The following MGRN1 variants were observed in gnomAD, a reference collection of about 807,000 sequenced individuals.
MGRN1 encodes mahogunin ring finger 1.
MGRN1 carries 29 observed loss-of-function variants against 69.2 expected under a neutral mutation model. The observed-to-expected ratio is 0.42, with a 90% CI of 0.31 to 0.57. The LOEUF is 0.57. Among genes scored for constraint, MGRN1 ranks in the 20% least tolerant of loss-of-function variants. The pLI is 0.15. For missense variants in MGRN1, 998 were observed against 796.2 expected, an observed-to-expected ratio of 1.25 and a Z score of -3.05; for synonymous variants, 470 against 344.2, an observed-to-expected ratio of 1.37 and a Z score of -4.04.
At chr16:4,635,684 G>T (rs960861052) in intron 1 of MGRN1, among the ~76,000 whole-genome samples, 5 of 151,422 alleles carry the variant, frequency 3.3e-5, no homozygotes, top group African/African-American at 9.7e-5. Flanking sequence ...ATCCAGGCTG[G>T]TGTGCAGTGG....
At position 4,688,839 on chromosome 16, in the gene MGRN1, C is replaced by A. The variant is rs756364928; in HGVS notation, c.1662C>A (p.Thr554=). Residue 554 remains threonine (T), a synonymous_variant, in exon 17 of 17, where the codon ACC becomes ACA. Transcript: ENST00000262370. ...SMETAHGLAT[T]SPTWPPLGGP... Reference sequence around the variant, plus strand: ...AGACGGCCCACGGCCTCGCCACCACCAGCCCCACCTGGCCTCCACTTGGTG... The same window carrying A: ...AGACGGCCCACGGCCTCGCCACCACAAGCCCCACCTGGCCTCCACTTGGTG... The A allele has an allele frequency of 1.9e-6, 3 of 1,554,510 alleles. No individual in the cohort carries two copies. The highest frequency in any genetic ancestry group is 1.9e-5 in the Admixed American group (1 of 52,226).
chr16:4,669,748 T>C lies in MGRN1; in HGVS notation c.726+1436T>C, dbSNP rs577604128. The stretch of plus-strand genomic sequence containing the variant: ...CAGAGACTTAGCTTGACTTCATCAA[T>C]ACTTGAAAAGAAGGATTAAATAGTT... On this transcript the variant is annotated intron_variant, in intron 8 of 16. Transcript: ENST00000262370. Among the ~76,000 whole-genome samples the C allele has an allele frequency of 5.3e-4, 81 of 152,264 alleles. No homozygotes were observed. In the South Asian group the frequency reaches 0.016, roughly 30 times the overall value.
chr16:4,683,160 G>C, intron 14 of MGRN1, 64 bp from the exon 15 acceptor site: 2 of 1,595,734 alleles, frequency 1.3e-6, no homozygotes, highest in Non-Finnish European at 8.6e-7. Flanking sequence ...CCTGATGGCG[G>C]CTTGTCCTGG....
intron 16 of MGRN1, chr16:4,688,131 G>C: frequency 1.0e-6 from 1 of 985,592 alleles, no homozygotes; most frequent in Non-Finnish European, 1.2e-6. Flanking sequence ...GGCCGTGTCT[G>C]CTGGGAGCCA....
chr16:4,667,777 T>G (rs1042452360), intron 7 of MGRN1, among the ~76,000 whole-genome samples: 1 of 152,276 alleles, frequency 6.6e-6, no homozygotes, highest in African/African-American at 2.4e-5. Context: ...ATTTCGTTCC[T>G]GCGTTTTTAG....
intron 7 of MGRN1, among the ~76,000 whole-genome samples, chr16:4,665,842 T>C (rs2078791666): frequency 6.6e-6 from 1 of 151,876 alleles, no homozygotes; most frequent in South Asian, 2.1e-4. Flanking sequence ...CCAATTTTTT[T>C]TTTTTGAGAC....
chr16:4,687,298 C>G (rs1402722714), intron 16 of MGRN1: 1 of 984,944 alleles, frequency 1.0e-6, no homozygotes, highest in African/African-American at 1.7e-5. Flanking sequence ...ACCTATAAGC[C>G]CGGTACTTTG....
chr16:4,667,998 T>C (rs1010541882), intron 7 of MGRN1, among the ~76,000 whole-genome samples: 3 of 151,998 alleles, frequency 2.0e-5, no homozygotes, highest in African/African-American at 4.8e-5. Flanking sequence ...CCGAGGAGAG[T>C]TGGGTTCTGT....
chr16:4,626,531 A>G (rs1334145257), intron 1 of MGRN1, among the ~76,000 whole-genome samples: 1 of 152,208 alleles, frequency 6.6e-6, no homozygotes, highest in Non-Finnish European at 1.5e-5. Flanking sequence ...CCTGGCTCAG[A>G]AGTCCCCAAA....
intron 5 of MGRN1, among the ~76,000 whole-genome samples, chr16:4,658,393 G>A (rs1171742842): frequency 2.6e-5 from 4 of 152,080 alleles, no homozygotes; most frequent in South Asian, 2.1e-4. Context: ...AAAATTACCC[G>A]GGTGTGGTGG....
At chr16:4,681,525 C>T in intron 12 of MGRN1, 25 bp from the exon 13 acceptor site, 1 of 1,588,996 alleles carries the variant, frequency 6.3e-7, no homozygotes, top group Non-Finnish European at 8.6e-7. Flanking sequence ...GGGCATGAGC[C>T]CCCTCACGCA....
Position 4,682,743 on chromosome 16 carries a change from G to C in MGRN1, c.1359-80G>C, listed in dbSNP as rs2079217017. 2.8e-6 allele frequency: 4 copies of C among 1,414,424 alleles called. No individual in the cohort carries two copies. In the Admixed American group the frequency reaches 7.8e-5, roughly 28 times the overall value. 87.6% of individuals were successfully genotyped at this position (1,414,424 alleles called of 1,614,324 possible). A position where few individuals can be genotyped will look rare whatever the true frequency, so the allele number is the denominator to read the frequency against. On this transcript the variant is annotated intron_variant, in intron 13 of 16. Coordinates refer to ENST00000262370, the MANE Select transcript of MGRN1 (RefSeq NM_015246.4). Reference sequence around the variant, plus strand: ...GGCAGGCGTGTGCAGGGGCCCCCAGGTGCCCTGCATGGCTTTGGCAGGGTT... The same window carrying C: ...GGCAGGCGTGTGCAGGGGCCCCCAGCTGCCCTGCATGGCTTTGGCAGGGTT...
chr16:4,626,709 C>A (rs1897695503), intron 1 of MGRN1, among the ~76,000 whole-genome samples: 1 of 152,246 alleles, frequency 6.6e-6, no homozygotes, highest in African/African-American at 2.4e-5. Context: ...AACAGAATAA[C>A]ATACATGTCA....
intron 1 of MGRN1, chr16:4,640,307 G>A (rs1285046280): frequency 6.6e-6 from 1 of 152,510 alleles, no homozygotes; most frequent in Admixed American, 6.5e-5. Flanking sequence ...GTTTTTCTCA[G>A]CTGTAGAGAT....
chr16:4,677,709 C>T (rs762279934), intron 11 of MGRN1, 137 bp downstream of exon 11: 3 of 814,716 alleles, frequency 3.7e-6, no homozygotes, highest in Non-Finnish European at 5.7e-6. Flanking sequence ...CCATGGATGG[C>T]TGTGAGGCAT....
intron 4 of MGRN1, among the ~76,000 whole-genome samples, chr16:4,653,340 C>T (rs185658078): frequency 6.6e-6 from 1 of 152,172 alleles, no homozygotes; most frequent in African/African-American, 2.4e-5. Flanking sequence ...TTCAGCAAAC[C>T]AGAAGCTCTC....
In MGRN1 at chr16:4,652,681, C is replaced by T; in HGVS notation, c.300C>T (p.Tyr100=). ...IRKDSLRLVR[Y]KDDADSPTED... ...TTCTCTCCACCGCCTGGGGTAGGTA[C>T]AAAGACGATGCCGACAGCCCCACCG... Residue 100 remains tyrosine, a synonymous_variant, in exon 4 of 17, where the codon TAC becomes TAT. Coordinates refer to ENST00000262370, the MANE Select transcript of MGRN1 (RefSeq NM_015246.4). 6.2e-7 allele frequency: 1 copy of T among 1,612,264 alleles called. No individual in the cohort carries two copies. The highest frequency in any genetic ancestry group is 2.2e-5 in the East Asian group (1 of 44,840).
intron 5 of MGRN1, among the ~76,000 whole-genome samples, chr16:4,663,375 T>TG (rs1447654915): frequency 1.5e-5 from 2 of 132,308 alleles, no homozygotes; most frequent in Non-Finnish European, 3.4e-5. Flanking sequence ...GTTTTTTTTT[T>TG]TTTTTTTTTT....
At chr16:4,685,123 A>C (rs191005612) in intron 16 of MGRN1, among the ~76,000 whole-genome samples, 6 of 152,386 alleles carry the variant, frequency 3.9e-5, no homozygotes, top group Admixed American at 3.9e-4. Flanking sequence ...AGGTGTGTTT[A>C]GGACCAGCTT....
Sources: gnomAD v4.1 joint callset for allele counts (sites outside exome capture counted in the v4.1 genomes callset) on GRCh38, gnomAD v4.1.1 for gene constraint, MANE v1.5 for transcripts, NCBI Gene and HGNC (gene_info 2026-07-23, HGNC 2026-07-21) for gene names.